ATG4C: variants seen among roughly 807,000 people sequenced by gnomAD.
ATG4C encodes the protein cysteine protease ATG4C.
A neutral mutation model predicts 57.6 loss-of-function variants in ATG4C; 56 were observed. The ratio of observed to expected loss-of-function variants is 0.97; its 90% CI spans 0.78 to 1.21. The LOEUF is 1.21. Ranked by LOEUF, ATG4C falls within the 50% of genes most tolerant of loss-of-function variation. ATG4C has a pLI of 0.00. For missense variants in ATG4C, 595 were observed against 529.8 expected (o/e 1.12, Z -1.21); for synonymous variants, 157 against 174.1 (o/e 0.90, Z 0.78).
At chr1:62,799,731 T>C (rs1321751634) in intron 1 of ATG4C, among the ~76,000 whole-genome samples, 2 of 152,184 alleles carry the variant, frequency 1.3e-5, no homozygotes, top group Admixed American at 6.5e-5. Context: ...AAATGGGGTA[T>C]CCATTCCCTC....
intron 10 of ATG4C, among the ~76,000 whole-genome samples, chr1:62,845,624 G>T (rs755037443): frequency 6.6e-6 from 1 of 152,108 alleles, no homozygotes; most frequent in Non-Finnish European, 1.5e-5. Flanking sequence ...ATAAGCAAAA[G>T]TCATAAACAT....
At chr1:62,838,652 C>T (rs1666073260) in intron 9 of ATG4C, among the ~76,000 whole-genome samples, 2 of 151,956 alleles carry the variant, frequency 1.3e-5, no homozygotes, top group South Asian at 4.2e-4. Flanking sequence ...TGGTGGTGCG[C>T]ACCTGTAATC....
intron 3 of ATG4C, among the ~76,000 whole-genome samples, chr1:62,811,379 T>G (rs897680485): frequency 3.9e-5 from 6 of 152,196 alleles, no homozygotes; most frequent in African/African-American, 1.4e-4. Flanking sequence ...TTTCCTTGTA[T>G]TATGCAGTTT....
Position 62,816,624 on chromosome 1 carries a change from C to A in ATG4C, c.210C>A (p.His70Gln). 1.9e-6 allele frequency: 3 copies of A among 1,613,548 alleles called. No homozygotes were observed. The highest frequency in any genetic ancestry group is 1.1e-5 in the South Asian group (1 of 91,054). ...PAESGCTIED[H>Q]VIAGNVEEFR... The stretch of plus-strand genomic sequence containing the variant: ...AGTCGGGATGTACAATAGAGGATCA[C>A]GTAATTGCAGGAAATGTAGAAGAAT... The change falls in exon 4 of 11, where the codon CAC becomes CAA. Residue 70 changes from histidine (H) to glutamine (Q), a missense_variant. Coordinates refer to ENST00000317868, the MANE Select transcript of ATG4C (RefSeq NM_032852.4).
chr1:62,813,341 A>T (rs1420418544), intron 3 of ATG4C, among the ~76,000 whole-genome samples: 1 of 152,170 alleles, frequency 6.6e-6, no homozygotes, highest in East Asian at 1.9e-4. Flanking sequence ...CAAAAACAAG[A>T]AATGGGGAAT....
chr1:62,797,300 A>G (rs1436701707), intron 1 of ATG4C, among the ~76,000 whole-genome samples: 1 of 152,136 alleles, frequency 6.6e-6, no homozygotes, highest in Non-Finnish European at 1.5e-5. Context: ...ATAGATCTAT[A>G]TAATTATAAT....
At chr1:62,817,041 A>G (rs567394864) in intron 4 of ATG4C, among the ~76,000 whole-genome samples, 1 of 152,206 alleles carries the variant, frequency 6.6e-6, no homozygotes, top group South Asian at 2.1e-4. Flanking sequence ...CAGGTTAAAT[A>G]TACCTGTTAT....
intron 9 of ATG4C, among the ~76,000 whole-genome samples, chr1:62,835,765 A>G (rs959663823): frequency 6.6e-6 from 1 of 152,080 alleles, no homozygotes; most frequent in African/African-American, 2.4e-5. Context: ...TCTGGAGGCC[A>G]GAGGTCAGGT....
At chr1:62,818,550 T>G (rs1665360170) in intron 4 of ATG4C, among the ~76,000 whole-genome samples, 1 of 152,152 alleles carries the variant, frequency 6.6e-6, no homozygotes, top group Admixed American at 6.6e-5. Context: ...TGTAATTTTT[T>G]TCTTGATTAT....
At chr1:62,794,561 C>T (rs999322621) in intron 1 of ATG4C, among the ~76,000 whole-genome samples, 1 of 152,126 alleles carries the variant, frequency 6.6e-6, no homozygotes, top group African/African-American at 2.4e-5. Flanking sequence ...GCATGTCCTG[C>T]CTTTATTGTG....
intron 6 of ATG4C, among the ~76,000 whole-genome samples, chr1:62,826,976 G>A (rs1448206219): frequency 1.3e-5 from 2 of 152,086 alleles, no homozygotes; most frequent in African/African-American, 4.8e-5. Context: ...TGGTTTTAGA[G>A]TAAAATGAAA....
At chr1:62,821,065 C>T in intron 5 of ATG4C, 74 bp from the exon 6 acceptor site, 5 of 1,212,436 alleles carry the variant, frequency 4.1e-6, no homozygotes, top group East Asian at 5.0e-5. Flanking sequence ...GCATTTTTTC[C>T]TTCTTAAATT....
intron 1 of ATG4C, among the ~76,000 whole-genome samples, chr1:62,802,971 A>T (rs1664732025): frequency 6.6e-6 from 1 of 152,216 alleles, no homozygotes; most frequent in Non-Finnish European, 1.5e-5. Context: ...TCTGTGCAGC[A>T]TTCTTTTCTT....
At chr1:62,821,792 T>C (rs1301450020) in intron 6 of ATG4C, among the ~76,000 whole-genome samples, 3 of 152,150 alleles carry the variant, frequency 2.0e-5, no homozygotes, top group Non-Finnish European at 4.4e-5. Context: ...ATCTTGGGGA[T>C]GGGACTGAAG....
chr1:62,863,961 A>G lies in ATG4C; in HGVS notation c.1210-31A>G, dbSNP rs199733968. On this transcript the variant is annotated intron_variant, in intron 10 of 10. Transcript: ENST00000317868. Reference sequence around the variant, plus strand: ...GTCTTAGTGTGCACTATTGCATCCAATAAGGAATTCTTCTATACTTTCTGT... The same window carrying G: ...GTCTTAGTGTGCACTATTGCATCCAGTAAGGAATTCTTCTATACTTTCTGT... The G allele has an allele frequency of 2.7e-4, 394 of 1,482,432 alleles. 2 individuals carry two copies. Among genetic ancestry groups the G allele is most frequent in the Non-Finnish European group, 3.4e-4 (368 of 1,096,956 alleles). 91.8% of individuals were successfully genotyped at this position (1,482,432 alleles called of 1,614,324 possible).
chr1:62,806,721 T>TA (rs2100299831), intron 3 of ATG4C, among the ~76,000 whole-genome samples: 1 of 152,242 alleles, frequency 6.6e-6, no homozygotes, highest in Non-Finnish European at 1.5e-5. Context: ...ATTGAGAGGT[T>TA]TCCTTGTTAT....
At chr1:62,847,607 CAGG>C (rs1557990662) in intron 10 of ATG4C, among the ~76,000 whole-genome samples, 1 of 152,078 alleles carries the variant, frequency 6.6e-6, no homozygotes, top group Non-Finnish European at 1.5e-5. Context: ...AAAAAATCAC[CAGG>C]AGAAGAGTGA....
Position 62,829,029 on chromosome 1 carries a change from G to A in ATG4C, c.797-11G>A. The A allele has an allele frequency of 1.3e-6, 2 of 1,593,026 alleles. No homozygotes were observed. Among genetic ancestry groups the A allele is most frequent in the Non-Finnish European group, 1.7e-6 (2 of 1,171,836 alleles). ...ATAAAATTTAATACATATTCATTATGTTTTTCTCAGTTTACAATTCTGATG... is the reference window on the plus strand; with the variant it reads ...ATAAAATTTAATACATATTCATTATATTTTTCTCAGTTTACAATTCTGATG... On this transcript the variant is annotated splice_polypyrimidine_tract_variant and intron_variant, in intron 6 of 10. Coordinates refer to ENST00000317868, the MANE Select transcript of ATG4C (RefSeq NM_032852.4).
intron 9 of ATG4C, 137 bp downstream of exon 9, chr1:62,834,989 C>G: frequency 1.6e-6 from 1 of 641,192 alleles, no homozygotes; most frequent in South Asian, 2.4e-5. Flanking sequence ...TCTATAGAAC[C>G]ATAATTAACA....
Sources: allele counts gnomAD v4.1 joint callset (sites outside exome capture counted in the v4.1 genomes callset), GRCh38; gene constraint gnomAD v4.1.1; transcripts MANE v1.5; gene names NCBI Gene and HGNC (gene_info 2026-07-23, HGNC 2026-07-21).